Variants in NUP88 observed in about 807,000 individuals in gnomAD.
NUP88 encodes the protein nuclear pore complex protein Nup88.
Under a neutral mutation model 93.9 loss-of-function variants are expected in NUP88, and 57 were observed. That is an observed-to-expected ratio of 0.61 (90% CI 0.49 to 0.76). The LOEUF (loss-of-function observed/expected upper bound fraction) is 0.76, where lower values mean the gene tolerates loss of function less well. Ranked by LOEUF, NUP88 falls within the 30% of genes least tolerant of loss-of-function variation. The pLI, the probability that NUP88 is intolerant of heterozygous loss-of-function variation, is 0.00. For synonymous variants in NUP88, 346 were observed against 336.8 expected (o/e 1.03, Z -0.30); for missense variants, 911 against 901.0 (o/e 1.01, Z -0.14).
rs1597310993 is a variant in NUP88, at chr17:5,386,854, G to C, written c.2044-28C>G. On this transcript the variant is annotated intron_variant, in intron 15 of 16. Coordinates refer to ENST00000573584, the MANE Select transcript of NUP88 (RefSeq NM_002532.6). The stretch of plus-strand genomic sequence containing the variant: ...TAAGTATTAAAATAATAGATATTTT[G>C]GCAGTGGTTTGCCACACATTTTCAC... The C allele has an allele frequency of 1.9e-6, 3 of 1,585,322 alleles. No individual in the cohort carries two copies. In the East Asian group the frequency reaches 6.7e-5, roughly 35 times the overall value.
intron 11 of NUP88, chr17:5,388,550 A>G (rs984750053): frequency 1.6e-5 from 5 of 316,308 alleles, no homozygotes; most frequent in Non-Finnish European, 2.9e-5. Flanking sequence ...GGTCTCCCAA[A>G]GTGCTGAGAT....
At position 5,413,318 on chromosome 17, in the gene NUP88, C is replaced by T. The variant is rs144138050; in HGVS notation, c.593+691G>A. Among the ~76,000 whole-genome samples, 92 of 152,238 alleles carry T rather than the reference C, an allele frequency of 6.0e-4. 1 individual carries two copies. Among genetic ancestry groups the T allele is most frequent in the African/African-American group, 2.0e-3 (81 of 41,532 alleles). ...ACACTGTTTTCATAACTAGAAGTAA[C>T]GAGAAAGCTATGGGGATCTGTATAA... On this transcript the variant is annotated intron_variant, in intron 3 of 16. Transcript: ENST00000573584.
chr17:5,409,004 A>C, intron 4 of NUP88, 95 bp from the exon 5 acceptor site: 1 of 1,024,898 alleles, frequency 9.8e-7, no homozygotes, highest in East Asian at 2.7e-5. Flanking sequence ...ATGTCTAATA[A>C]CAGGAGGTGG....
intron 4 of NUP88, among the ~76,000 whole-genome samples, chr17:5,409,535 A>G (rs1913704557): frequency 1.3e-5 from 2 of 152,184 alleles, no homozygotes. Flanking sequence ...GGAAACAGGA[A>G]AACACATGAA....
chr17:5,398,713 C>T (rs577330510), intron 8 of NUP88, among the ~76,000 whole-genome samples: 1 of 151,812 alleles, frequency 6.6e-6, no homozygotes, highest in African/African-American at 2.4e-5. Context: ...CTCAGCCTTC[C>T]GAGTAGCTGG....
At chr17:5,392,913 C>T (rs1257593158) in intron 9 of NUP88, among the ~76,000 whole-genome samples, 1 of 152,206 alleles carries the variant, frequency 6.6e-6, no homozygotes, top group East Asian at 1.9e-4. Flanking sequence ...TCTCAGCCTC[C>T]TGAGTAGCTG....
chr17:5,388,113 G>A (rs1912161746), intron 11 of NUP88: 1 of 379,912 alleles, frequency 2.6e-6, no homozygotes, highest in Non-Finnish European at 4.7e-6. Flanking sequence ...CAATTCTTCT[G>A]CCTCAGCCTC....
intron 10 of NUP88, among the ~76,000 whole-genome samples, chr17:5,389,977 C>T (rs905046122): frequency 2.0e-5 from 3 of 151,630 alleles, no homozygotes; most frequent in Non-Finnish European, 2.9e-5. Flanking sequence ...ACCAGCCTGG[C>T]CAACATGGCA....
At chr17:5,389,100 C>T in intron 10 of NUP88, 140 bp from the exon 11 acceptor site, 1 of 629,866 alleles carries the variant, frequency 1.6e-6, no homozygotes, top group South Asian at 2.8e-5. Flanking sequence ...TGCATGTTTT[C>T]CACCTTGAAA....
intron 10 of NUP88, among the ~76,000 whole-genome samples, chr17:5,390,493 T>C (rs1392137301): frequency 6.6e-6 from 1 of 152,204 alleles, no homozygotes; most frequent in African/African-American, 2.4e-5. Flanking sequence ...TAGGAATTTA[T>C]GTCAGCATCC....
chr17:5,387,754 G>A, intron 12 of NUP88, 25 bp downstream of exon 12: 1 of 1,610,546 alleles, frequency 6.2e-7, no homozygotes, highest in South Asian at 1.1e-5. Flanking sequence ...AGGGATCGAT[G>A]GTTTGTGAAC....
At chr17:5,413,898 A>G (rs1472789384) in intron 3 of NUP88, 111 bp downstream of exon 3, 1 of 1,153,466 alleles carries the variant, frequency 8.7e-7, no homozygotes, top group Non-Finnish European at 1.2e-6. Context: ...CATCCAATAA[A>G]AGCACTGACT....
intron 2 of NUP88, 113 bp from the exon 3 acceptor site, chr17:5,414,247 G>T: frequency 1.1e-6 from 1 of 870,738 alleles, no homozygotes; most frequent in Non-Finnish European, 1.7e-6. Flanking sequence ...CCAGGCTGGA[G>T]TGTAACGGCA....
At chr17:5,400,601 G>T (rs1391259574) in intron 7 of NUP88, among the ~76,000 whole-genome samples, 1 of 151,598 alleles carries the variant, frequency 6.6e-6, no homozygotes, top group Non-Finnish European at 1.5e-5. Context: ...ACTCATTTAT[G>T]CTTTTCTCTG....
At chr17:5,386,657 GT>G in intron 16 of NUP88, 50 bp downstream of exon 16, 2 of 1,247,344 alleles carry the variant, frequency 1.6e-6, no homozygotes, top group Non-Finnish European at 2.4e-6. Context: ...CTGGCATACT[GT>G]AAAGGAAAAA....
intron 5 of NUP88, among the ~76,000 whole-genome samples, chr17:5,407,207 TTC>T: frequency 6.6e-6 from 1 of 152,328 alleles, no homozygotes; most frequent in African/African-American, 2.4e-5. Flanking sequence ...GCGTACTCTC[TTC>T]TCTCTCCTGT....
At chr17:5,410,858 T>C (rs1913802210) in intron 3 of NUP88, 69 bp from the exon 4 acceptor site, 1 of 930,190 alleles carries the variant, frequency 1.1e-6, no homozygotes, top group Admixed American at 2.1e-5. Flanking sequence ...TGCACTTTCC[T>C]CTCCATCTAG....
At chr17:5,414,359 C>T (rs1328053613) in intron 2 of NUP88, among the ~76,000 whole-genome samples, 1 of 151,998 alleles carries the variant, frequency 6.6e-6, no homozygotes, top group Admixed American at 6.6e-5. Context: ...CCTCGCCCAG[C>T]GAACTTTGTA....
chr17:5,412,465 C>T (rs1183793072), intron 3 of NUP88, among the ~76,000 whole-genome samples: 1 of 152,142 alleles, frequency 6.6e-6, no homozygotes. Flanking sequence ...ACACGTATCA[C>T]GTTCAGTACT....
Sources: allele counts gnomAD v4.1 joint callset (sites outside exome capture counted in the v4.1 genomes callset), GRCh38; gene constraint gnomAD v4.1.1; transcripts MANE v1.5; gene names NCBI Gene and HGNC (gene_info 2026-07-23, HGNC 2026-07-21).